The following KLHL24 variants were observed in gnomAD, a reference collection of about 807,000 sequenced individuals.
The protein encoded by KLHL24 is kelch-like protein 24.
In KLHL24, 29 loss-of-function variants were observed where a neutral mutation model predicts 53.4. The ratio of observed to expected loss-of-function variants is 0.54; its 90% CI spans 0.40 to 0.74. The LOEUF is 0.74. KLHL24 is among the 30% of genes least tolerant of loss of function. KLHL24 has a pLI of 0.00. For synonymous variants in KLHL24, 222 were observed against 253.7 expected (o/e 0.88, Z 1.19); for missense variants, 504 against 744.0 (o/e 0.68, Z 3.75).
intron 1 of KLHL24, among the ~76,000 whole-genome samples, chr3:183,639,393 G>A (rs1288481516): frequency 2.0e-5 from 3 of 152,062 alleles, no homozygotes; most frequent in African/African-American, 7.2e-5. Context: ...CACTTTGGGA[G>A]GCCAAGGCGG....
At chr3:183,656,858 C>T (rs985256770) in intron 3 of KLHL24, among the ~76,000 whole-genome samples, 3 of 148,330 alleles carry the variant, frequency 2.0e-5, no homozygotes, top group East Asian at 2.0e-4. Flanking sequence ...CCCAGGAGTT[C>T]GAGACCTGCC....
At chr3:183,649,845 A>G (rs1019013384) in intron 2 of KLHL24, among the ~76,000 whole-genome samples, 3 of 152,194 alleles carry the variant, frequency 2.0e-5, no homozygotes, top group African/African-American at 7.2e-5. Context: ...ACAGTGAGCT[A>G]TGATCATGTC....
At chr3:183,639,862 A>C (rs941046269) in intron 1 of KLHL24, among the ~76,000 whole-genome samples, 4 of 151,148 alleles carry the variant, frequency 2.6e-5, no homozygotes, top group Non-Finnish European at 5.9e-5. Context: ...ACAAACAAAC[A>C]AACCCAGAAA....
intron 2 of KLHL24, among the ~76,000 whole-genome samples, chr3:183,648,172 A>T (rs1717595400): frequency 6.6e-6 from 1 of 152,240 alleles, no homozygotes; most frequent in Non-Finnish European, 1.5e-5. Context: ...GAGAGAATTC[A>T]TGAAAATTGC....
At position 183,667,026 on chromosome 3, in the gene KLHL24, A is replaced by G. The variant is rs549364991; in HGVS notation, c.1224+1987A>G. ...GACAGTTAAGTACCACCAATAAAAA[A>G]ACAAAGCTCTAGCTGAAACAGAAAT... On this transcript the variant is annotated intron_variant, in intron 5 of 7. Coordinates refer to ENST00000242810, the MANE Select transcript of KLHL24 (RefSeq NM_017644.3). Among the ~76,000 whole-genome samples the G allele has an allele frequency of 2.0e-5, 3 of 152,304 alleles. No individual in the cohort carries two copies. In the East Asian group the frequency reaches 5.8e-4, roughly 29 times the overall value.
intron 1 of KLHL24, among the ~76,000 whole-genome samples, chr3:183,639,821 T>A (rs1716076857): frequency 6.6e-6 from 1 of 150,428 alleles, no homozygotes; most frequent in Non-Finnish European, 1.5e-5. Flanking sequence ...CTGGCCAACA[T>A]AGTGAAACCC....
rs1217597736 is a variant in KLHL24, at chr3:183,681,309, A to G, written c.*2023A>G. On this transcript the variant is annotated 3_prime_UTR_variant, in exon 8 of 8. Transcript: ENST00000242810. ...GTATTTTGTAAATGCTGAGGATTCT[A>G]CAAATGATAGTTGTTATTTTCATGT... 6.6e-6 allele frequency: 1 copy of G among 152,342 alleles called. No homozygotes were observed. The highest frequency in any genetic ancestry group is 1.9e-4 in the East Asian group (1 of 5,194). The allele number at this position is 152,342 out of a possible 1,614,324, so 9.4% of individuals were successfully genotyped here. A position where few individuals can be genotyped will look rare whatever the true frequency, so the allele number is the denominator to read the frequency against.
chr3:183,658,827 C>A lies in KLHL24; in HGVS notation c.921-4631C>A, dbSNP rs192235352. On this transcript the variant is annotated intron_variant, in intron 3 of 7. Coordinates refer to ENST00000242810, the MANE Select transcript of KLHL24 (RefSeq NM_017644.3). The stretch of plus-strand genomic sequence containing the variant: ...TCCTCCCATTTTTTTTTTTCAGGTT[C>A]TCGCTCTGGTCGCCCAAGCTGGAGT... 5.0e-3 allele frequency among the ~76,000 whole-genome samples: 725 copies of A among 144,112 alleles called. 6 individuals are homozygous for A. Among genetic ancestry groups the A allele is most frequent in the African/African-American group, 0.018 (694 of 38,010 alleles). 94.5% of individuals were successfully genotyped at this position (144,112 alleles called of 152,430 possible).
In KLHL24 at chr3:183,672,363, G is replaced by A. The variant is rs1235315386; in HGVS notation, c.1481G>A (p.Cys494Tyr). 3 of 1,613,178 alleles carry A rather than the reference G, an allele frequency of 1.9e-6. No homozygotes were observed. The highest frequency in any genetic ancestry group is 2.5e-6 in the Non-Finnish European group (3 of 1,179,452). ...LRAAIPIAKRCITAVSLNNLI... is the reference protein window; with the variant it reads ...LRAAIPIAKRYITAVSLNNLI... ...GCAGCTATCCCAATTGCCAAAAGGT[G>A]TATAACAGCTGTATCCCTAAACAAC... The change falls in exon 7 of 8, where the codon TGT (cysteine) becomes TAT (tyrosine). Residue 494 changes from cysteine (C) to tyrosine (Y), a missense_variant. By Grantham distance (194) the Cys-to-Tyr change is radical. Coordinates refer to ENST00000242810, the MANE Select transcript of KLHL24 (RefSeq NM_017644.3).
intron 1 of KLHL24, among the ~76,000 whole-genome samples, chr3:183,637,001 G>C (rs1005166814): frequency 1.3e-5 from 2 of 152,180 alleles, no homozygotes; most frequent in African/African-American, 2.4e-5. Flanking sequence ...TATCTGCCGG[G>C]TGGTTCGCAG....
At chr3:183,641,343 T>C (rs541670801) in intron 1 of KLHL24, among the ~76,000 whole-genome samples, 2 of 152,020 alleles carry the variant, frequency 1.3e-5, no homozygotes, top group South Asian at 2.1e-4. Flanking sequence ...AAATACATGG[T>C]GGCGCACACC....
chr3:183,647,159 G>A (rs1287126610), intron 2 of KLHL24, among the ~76,000 whole-genome samples: 1 of 151,270 alleles, frequency 6.6e-6, no homozygotes. Flanking sequence ...AGTGGCTTAT[G>A]CCTGTAATCC....
chr3:183,668,220 T>C (rs1720848478), intron 5 of KLHL24, among the ~76,000 whole-genome samples: 2 of 151,910 alleles, frequency 1.3e-5, no homozygotes, highest in Admixed American at 6.6e-5. Context: ...GGACAAAATA[T>C]TACTGGAAAA....
chr3:183,643,273 TAAG>T (rs1425578240), intron 1 of KLHL24: 1 of 152,120 alleles, frequency 6.6e-6, no homozygotes, highest in African/African-American at 2.4e-5. Flanking sequence ...AGTTGATAAA[TAAG>T]AAAAACTAGT....
intron 5 of KLHL24, among the ~76,000 whole-genome samples, chr3:183,670,028 G>C (rs991168011): frequency 6.6e-6 from 1 of 152,180 alleles, no homozygotes; most frequent in Non-Finnish European, 1.5e-5. Context: ...AGGATGGCTT[G>C]AGAGTGGGAG....
chr3:183,679,055 T>A (rs1712393983), intron 7 of KLHL24, 31 bp from the exon 8 acceptor site: 1 of 1,544,552 alleles, frequency 6.5e-7, no homozygotes, highest in Non-Finnish European at 9.0e-7. Flanking sequence ...CTTCAATGGT[T>A]AATTTTTTGT....
intron 4 of KLHL24, among the ~76,000 whole-genome samples, chr3:183,664,318 CG>C (rs1720223346): frequency 6.6e-6 from 1 of 152,040 alleles, no homozygotes; most frequent in Non-Finnish European, 1.5e-5. Flanking sequence ...TGAAATTCTC[CG>C]CAAAGTTTAT....
intron 4 of KLHL24, 147 bp from the exon 5 acceptor site, chr3:183,664,774 G>A: frequency 2.1e-6 from 1 of 477,644 alleles, no homozygotes; most frequent in Non-Finnish European, 3.8e-6. Flanking sequence ...ATTTCAAGAG[G>A]TCTTTATTTA....
At chr3:183,640,269 G>T (rs1274815287) in intron 1 of KLHL24, among the ~76,000 whole-genome samples, 1 of 152,126 alleles carries the variant, frequency 6.6e-6, no homozygotes, top group Non-Finnish European at 1.5e-5. Context: ...CTTCCTTTAG[G>T]GTTGGGGAAT....
Sources: allele counts gnomAD v4.1 joint callset (sites outside exome capture counted in the v4.1 genomes callset), GRCh38; gene constraint gnomAD v4.1.1; transcripts MANE v1.5; gene names NCBI Gene and HGNC (gene_info 2026-07-23, HGNC 2026-07-21).